GPAM: variants seen among roughly 807,000 people sequenced by gnomAD.
GPAM encodes glycerol-3-phosphate acyltransferase, mitochondrial.
GPAM carries 56 observed loss-of-function variants against 105.0 expected under a neutral mutation model. The observed-to-expected ratio is 0.53, with a 90% CI of 0.43 to 0.67. GPAM has a LOEUF of 0.67. Ranked by LOEUF, GPAM falls within the 30% of genes least tolerant of loss-of-function variation. The pLI is 0.00. For missense variants in GPAM, 855 were observed against 989.8 expected (o/e 0.86, Z 1.83); for synonymous variants, 368 against 354.4 (o/e 1.04, Z -0.43).
chr10:112,187,907 T>C (rs1589602379), upstream of GPAM, among the ~76,000 whole-genome samples: 1 of 152,162 alleles, frequency 6.6e-6, no homozygotes, highest in East Asian at 1.9e-4. Flanking sequence ...ATTTGGAAAA[T>C]CCTTAACTAT....
chr10:112,155,196 A>T (rs1846994251), intron 20 of GPAM: 1 of 177,608 alleles, frequency 5.6e-6, no homozygotes, highest in African/African-American at 2.4e-5. Context: ...TGAGGTGATT[A>T]GATTAGATTC....
chr10:112,180,626 C>G (rs757071914), intron 3 of GPAM, 31 bp from the exon 4 acceptor site: 2 of 1,591,602 alleles, frequency 1.3e-6, no homozygotes, highest in South Asian at 2.2e-5. Flanking sequence ...AATATAGTTT[C>G]TAAATGGCAA....
upstream of GPAM, chr10:112,215,492 G>T (rs996998429): frequency 6.6e-6 from 1 of 152,248 alleles, no homozygotes; most frequent in Admixed American, 6.5e-5. Flanking sequence ...GCTTCCTTCC[G>T]ACTGCAAGGA....
chr10:112,219,709 T>C (rs1303616062), upstream of GPAM, among the ~76,000 whole-genome samples: 2 of 152,232 alleles, frequency 1.3e-5, no homozygotes, highest in Non-Finnish European at 2.9e-5. Context: ...GTTTGCAGCA[T>C]ACATGAAACC....
At chr10:112,173,943 T>A in intron 6 of GPAM, 98 bp from the exon 7 acceptor site, 1 of 967,656 alleles carries the variant, frequency 1.0e-6, no homozygotes, top group South Asian at 1.3e-5. Context: ...CAAAACAAAA[T>A]GTATGTTCTC....
upstream of GPAM, among the ~76,000 whole-genome samples, chr10:112,217,690 C>A (rs1023684095): frequency 6.6e-6 from 1 of 152,146 alleles, no homozygotes; most frequent in South Asian, 2.1e-4. Context: ...TCTCATGTAA[C>A]CCTCCCTACA....
chr10:112,203,397 A>G (rs1453985980), intron 1 of GPAM, among the ~76,000 whole-genome samples: 1 of 151,828 alleles, frequency 6.6e-6, no homozygotes, highest in Non-Finnish European at 1.5e-5. Flanking sequence ...GCAGAAAAGC[A>G]GCCCCAGCAT....
chr10:112,210,825 T>C (rs554530154), intron 1 of GPAM, among the ~76,000 whole-genome samples: 1 of 152,328 alleles, frequency 6.6e-6, no homozygotes, highest in Admixed American at 6.5e-5. Context: ...AGACACTGTG[T>C]GCTGTGCAGA....
intron 5 of GPAM, among the ~76,000 whole-genome samples, 178 bp from the exon 6 acceptor site, chr10:112,175,891 C>A (rs1267380635): frequency 2.6e-5 from 4 of 152,152 alleles, no homozygotes; most frequent in Admixed American, 1.3e-4. Context: ...CAATTTTATT[C>A]ATGTACTCTC....
At position 112,150,911 on chromosome 10, in the gene GPAM, A is replaced by C. The variant is rs1364941189; in HGVS notation, c.*2639T>G. ...AATCCCAGAAATATTTTCTCCATTT[A>C]CCCTCATGACTTTGTGAAATTTAAC... On this transcript the variant is annotated 3_prime_UTR_variant, in exon 22 of 22. Coordinates refer to ENST00000348367, the MANE Select transcript of GPAM (RefSeq NM_001244949.2). 1 of 985,114 alleles carries C rather than the reference A, an allele frequency of 1.0e-6. No individual in the cohort carries two copies. Among genetic ancestry groups the C allele is most frequent in the African/African-American group, 1.7e-5 (1 of 57,210 alleles). The allele number at this position is 985,114 out of a possible 1,614,324, so 61.0% of individuals were successfully genotyped here.
At chr10:112,161,389 CAT>C (rs1847120549) in intron 15 of GPAM, among the ~76,000 whole-genome samples, 2 of 152,178 alleles carry the variant, frequency 1.3e-5, no homozygotes, top group Non-Finnish European at 2.9e-5. Flanking sequence ...ATATATACCA[CAT>C]GTTAATGAGT....
chr10:112,175,579 T>C, intron 6 of GPAM, 21 bp downstream of exon 6: 1 of 1,322,498 alleles, frequency 7.6e-7, no homozygotes, highest in Non-Finnish European at 1.1e-6. Context: ...TTCCCACCTT[T>C]ACACCTTGCC....
At chr10:112,189,988 CA>C (rs916314608) in intron 1 of GPAM, among the ~76,000 whole-genome samples, 1 of 152,156 alleles carries the variant, frequency 6.6e-6, no homozygotes, top group Non-Finnish European at 1.5e-5. Context: ...AACAATTAAT[CA>C]AAAACTTTTT....
chr10:112,200,227 GTATATATA>G (rs66664923), intron 1 of GPAM, among the ~76,000 whole-genome samples: 2 of 84,994 alleles, frequency 2.4e-5, no homozygotes, highest in Non-Finnish European at 5.1e-5. Flanking sequence ...CACACTATAT[GTATATATA>G]TATATATATA....
At chr10:112,167,188 G>T (rs1847233227) in intron 11 of GPAM, among the ~76,000 whole-genome samples, 1 of 152,070 alleles carries the variant, frequency 6.6e-6, no homozygotes, top group Non-Finnish European at 1.5e-5. Flanking sequence ...GCCTCTGATT[G>T]TCAGACGTCC....
chr10:112,199,751 C>T (rs1589607535), intron 1 of GPAM, among the ~76,000 whole-genome samples: 1 of 152,112 alleles, frequency 6.6e-6, no homozygotes, highest in African/African-American at 2.4e-5. Flanking sequence ...TCACATCTTA[C>T]GTGGCAGCAG....
the GPAM span, among the ~76,000 whole-genome samples, chr10:112,226,961 G>A: frequency 2.6e-5 from 4 of 152,032 alleles, no homozygotes; most frequent in African/African-American, 9.7e-5. Context: ...AGGCCACGAG[G>A]GGTTTTAGAC....
chr10:112,190,212 C>T (rs1468696479), intron 1 of GPAM, among the ~76,000 whole-genome samples: 1 of 151,878 alleles, frequency 6.6e-6, no homozygotes, highest in African/African-American at 2.4e-5. Context: ...AGAAATAGTC[C>T]CTACCAGTGT....
chr10:112,168,368 G>T lies in GPAM; in HGVS notation c.1051C>A (p.Pro351Thr). 2 of 1,610,216 alleles carry T rather than the reference G, an allele frequency of 1.2e-6. No homozygotes were observed. The highest frequency in any genetic ancestry group is 1.7e-6 in the Non-Finnish European group (2 of 1,176,456). ...ATGCGATCATAGGAGATTCCAACAG[G>T]TATTATCAAGATGTCTGGGATGACA... is the stretch of plus-strand genomic sequence containing the variant. ...TNVIPDILII[P>T]VGISYDRIIE... Residue 351 changes from proline (P) to threonine (T), a missense_variant, in exon 11 of 22, where the codon CCT becomes ACT. Pro to Thr is a conservative substitution (Grantham distance 38). Coordinates refer to ENST00000348367, the MANE Select transcript of GPAM (RefSeq NM_001244949.2).
Sources: gnomAD v4.1 joint callset for allele counts (sites outside exome capture counted in the v4.1 genomes callset) on GRCh38, gnomAD v4.1.1 for gene constraint, MANE v1.5 for transcripts, NCBI Gene and HGNC (gene_info 2026-07-23, HGNC 2026-07-21) for gene names.